The following UBN2 variants were observed in gnomAD, a reference collection of about 807,000 sequenced individuals.
The protein encoded by UBN2 is ubinuclein-2.
UBN2 carries 35 observed loss-of-function variants against 120.2 expected under a neutral mutation model. The observed-to-expected ratio is 0.29, with a 90% CI of 0.22 to 0.39. UBN2 has a LOEUF of 0.39. Ranked by LOEUF, UBN2 falls within the 10% of genes least tolerant of loss-of-function variation. The pLI is 1.00. For missense variants in UBN2, 1,693 were observed against 1,663.2 expected (o/e 1.02, Z -0.31); for synonymous variants, 661 against 648.7 (o/e 1.02, Z -0.29).
chr7:139,264,377 C>A (rs1431295484), intron 6 of UBN2, among the ~76,000 whole-genome samples: 1 of 152,162 alleles, frequency 6.6e-6, no homozygotes, highest in Middle Eastern at 3.4e-3. Flanking sequence ...TTCTGGTCAG[C>A]GATCCTCATG....
At position 139,283,796 on chromosome 7, in the gene UBN2, T is replaced by C. The variant is rs1251359698; in HGVS notation, c.2891T>C (p.Leu964Pro). ...PVVKLSNNPQ[L>P]SCSSSLIKTS... is the part of the protein sequence containing the mutation. ...GTGAAGTTAAGTAATAATCCCCAACTCTCCTGTTCCTCCTCACTTATTAAG... is the reference window on the plus strand; with the variant it reads ...GTGAAGTTAAGTAATAATCCCCAACCCTCCTGTTCCTCCTCACTTATTAAG... Residue 964 changes from leucine (L) to proline (P), a missense_variant, in exon 15 of 18, where the codon CTC (leucine) becomes CCC (proline). Physicochemically the swap from Leu to Pro is moderately conservative, Grantham distance 98. Transcript: ENST00000473989. 2 of 1,613,882 alleles carry C rather than the reference T, an allele frequency of 1.2e-6. No homozygotes were observed. Among genetic ancestry groups the C allele is most frequent in the African/African-American group, 1.3e-5 (1 of 74,976 alleles).
chr7:139,284,478 A>G lies in UBN2; in HGVS notation c.3573A>G (p.Gly1191=), dbSNP rs775134045. The change falls in exon 15 of 18, where the codon GGA becomes GGG. Residue 1191 remains glycine, a synonymous_variant. Transcript: ENST00000473989. ...CTAATAGGACTAGTCTGTCTGGGGG[A>G]ACAGGAAGTGGAACACAGGGTGCTA... is the stretch of plus-strand genomic sequence containing the variant. The part of the protein sequence containing the change: ...SGANRTSLSG[G]TGSGTQGATK... The G allele has an allele frequency of 1.2e-6, 2 of 1,614,172 alleles. No individual in the cohort carries two copies. Among genetic ancestry groups the G allele is most frequent in the Non-Finnish European group, 1.7e-6 (2 of 1,180,034 alleles).
At chr7:139,315,834 TG>T in the UBN2 span, among the ~76,000 whole-genome samples, 1 of 151,950 alleles carries the variant, frequency 6.6e-6, no homozygotes, top group Admixed American at 6.6e-5. Context: ...CTCAGCACTT[TG>T]GGGGGCAGAG....
chr7:139,283,203 A>G lies in UBN2; in HGVS notation c.2298A>G (p.Ser766=). ...LDEDLSFHSP[S]LDLVSEALAV... ...AAGACCTTTCTTTCCATTCACCTTC[A>G]CTGGATCTTGTTTCTGAAGCTTTAG... Residue 766 remains serine (S), a synonymous_variant, in exon 15 of 18, where the codon TCA becomes TCG. Coordinates refer to ENST00000473989, the MANE Select transcript of UBN2 (RefSeq NM_173569.4). 8 of 1,612,342 alleles carry G rather than the reference A, an allele frequency of 5.0e-6. No homozygotes were observed. The highest frequency in any genetic ancestry group is 3.3e-5 in the South Asian group (3 of 90,942).
At chr7:139,318,099 A>G in the UBN2 span, among the ~76,000 whole-genome samples, 2 of 152,102 alleles carry the variant, frequency 1.3e-5, no homozygotes, top group Admixed American at 1.3e-4. Context: ...TGCTTATTTT[A>G]GAGTCCTGAT....
intron 1 of UBN2, among the ~76,000 whole-genome samples, chr7:139,234,686 G>A (rs1217774336): frequency 6.6e-6 from 1 of 152,124 alleles, no homozygotes; most frequent in Admixed American, 6.5e-5. Flanking sequence ...ACAAGAAAAG[G>A]TTTAACTCTT....
intron 14 of UBN2, among the ~76,000 whole-genome samples, 193 bp downstream of exon 14, chr7:139,282,248 C>T (rs1797636265): frequency 6.6e-6 from 1 of 151,990 alleles, no homozygotes; most frequent in Non-Finnish European, 1.5e-5. Flanking sequence ...TTATTTTGCT[C>T]TTTGAATATT....
intron 2 of UBN2, among the ~76,000 whole-genome samples, chr7:139,240,538 T>G (rs980118671): frequency 6.6e-6 from 1 of 151,482 alleles, no homozygotes; most frequent in African/African-American, 2.4e-5. Context: ...ATTGTCCTGC[T>G]GGGCGTTATA....
Position 139,284,456 on chromosome 7 carries a change from A to G in UBN2, c.3551A>G (p.Asn1184Ser). 2 of 1,614,202 alleles carry G rather than the reference A, an allele frequency of 1.2e-6. No homozygotes were observed. The highest frequency in any genetic ancestry group is 8.5e-7 in the Non-Finnish European group (1 of 1,180,042). Residue 1184 changes from asparagine (N) to serine (S), a missense_variant, in exon 15 of 18, where the codon AAT (asparagine) becomes AGT (serine). Around this residue, in one of 5 missense-constraint regions of UBN2, gnomAD observed 837 missense variants for 817.6 expected, o/e 1.02. Coordinates refer to ENST00000473989, the MANE Select transcript of UBN2 (RefSeq NM_173569.4). ...RGSNLNSSGA[N>S]RTSLSGGTGS... is the part of the protein sequence containing the mutation. ...AGCAACCTTAACTCAAGCGGAGCTA[A>G]TAGGACTAGTCTGTCTGGGGGAACA...
the UBN2 span, among the ~76,000 whole-genome samples, chr7:139,319,956 G>A: frequency 1.3e-5 from 2 of 151,476 alleles, no homozygotes; most frequent in Non-Finnish European, 2.9e-5. Flanking sequence ...GGTGCCTGTA[G>A]TCCCAGCTAC....
Position 139,299,777 on chromosome 7 carries a change from C to T in UBN2, c.*1941C>T, listed in dbSNP as rs948673363. 3 of 151,838 alleles carry T rather than the reference C, an allele frequency of 2.0e-5. No individual in the cohort carries two copies. The highest frequency in any genetic ancestry group is 2.0e-4 in the Admixed American group (3 of 15,244). 9.4% of individuals were successfully genotyped at this position (151,838 alleles called of 1,614,324 possible). On this transcript the variant is annotated 3_prime_UTR_variant, in exon 18 of 18. Coordinates refer to ENST00000473989, the MANE Select transcript of UBN2 (RefSeq NM_173569.4). Reference sequence around the variant, plus strand: ...CTTGGTTTCAATTAAGGAAGCTTGCCCAATTTTTTTAATTTTTTCAAATGT... The same window carrying T: ...CTTGGTTTCAATTAAGGAAGCTTGCTCAATTTTTTTAATTTTTTCAAATGT...
Position 139,274,032 on chromosome 7 carries a change from C to G in UBN2, c.1931C>G (p.Thr644Arg). ...GATTATCTTAAGTCTTTTATGGAGA[C>G]AGAAGTGAAGCCCCTGTGGCCTAAG... ...AEDYLKSFME[T>R]EVKPLWPKGW... The change falls in exon 11 of 18, where the codon ACA (threonine) becomes AGA (arginine). Residue 644 changes from threonine (T) to arginine (R), a missense_variant. By Grantham distance (71) the Thr-to-Arg change is moderately conservative (BLOSUM62 -1). Coordinates refer to ENST00000473989, the MANE Select transcript of UBN2 (RefSeq NM_173569.4). The G allele has an allele frequency of 6.2e-7, 1 of 1,613,050 alleles. No homozygotes were observed. The highest frequency in any genetic ancestry group is 8.5e-7 in the Non-Finnish European group (1 of 1,179,686).
In UBN2 at chr7:139,293,232, T is replaced by C; in HGVS notation, c.3670T>C (p.Ser1224Pro). 3 of 1,613,908 alleles carry C rather than the reference T, an allele frequency of 1.9e-6. No individual in the cohort carries two copies. The highest frequency in any genetic ancestry group is 2.5e-6 in the Non-Finnish European group (3 of 1,179,756). ...GSSVVTASVQ[S>P]TAGASLLANA... ...ATTTTGACCCCTGGTTTCTGCACAGTCCACAGCAGGAGCATCATTATTGGC... is the reference window on the plus strand; with the variant it reads ...ATTTTGACCCCTGGTTTCTGCACAGCCCACAGCAGGAGCATCATTATTGGC... Residue 1224 changes from serine to proline, a missense_variant and splice_region_variant, in exon 16 of 18, where the codon TCC (serine) becomes CCC (proline). Physicochemically the swap from Ser to Pro is moderately conservative, Grantham distance 74. Transcript: ENST00000473989.
At position 139,276,144 on chromosome 7, in the gene UBN2, C is replaced by T; in HGVS notation, c.2021C>T (p.Ala674Val). 1.9e-6 allele frequency: 3 copies of T among 1,613,454 alleles called. No homozygotes were observed. The highest frequency in any genetic ancestry group is 2.5e-6 in the Non-Finnish European group (3 of 1,179,776). The change falls in exon 12 of 18, where the codon GCT becomes GTT. Residue 674 changes from alanine to valine, a missense_variant. Physicochemically the swap from Ala to Val is moderately conservative, Grantham distance 64. Transcript: ENST00000473989. ...SRSVHNHLTS[A>V]PAKKKVIPAP... The stretch of plus-strand genomic sequence containing the variant: ...AGTGTTCATAATCATCTTACTTCTG[C>T]TCCGTGAGTAAATGCAGACTCCAGA...
At chr7:139,281,332 A>G (rs1797601588) in intron 13 of UBN2, among the ~76,000 whole-genome samples, 1 of 152,200 alleles carries the variant, frequency 6.6e-6, no homozygotes, top group Admixed American at 6.5e-5. Context: ...TTATAAAGAT[A>G]AGATAAGGAA....
intron 12 of UBN2, among the ~76,000 whole-genome samples, chr7:139,278,597 G>A (rs556009175): frequency 1.5e-4 from 22 of 151,402 alleles, no homozygotes; most frequent in Middle Eastern, 3.4e-3. Flanking sequence ...CCTAGAGGTC[G>A]TTTCCCTAAA....
intron 12 of UBN2, 53 bp from the exon 13 acceptor site, chr7:139,279,265 A>C: frequency 2.2e-6 from 3 of 1,355,240 alleles, no homozygotes. Flanking sequence ...ATAACTTTCT[A>C]ATGAGCAATA....
chr7:139,324,608 T>C, the UBN2 span, among the ~76,000 whole-genome samples: 1 of 150,686 alleles, frequency 6.6e-6, no homozygotes, highest in African/African-American at 2.4e-5. Context: ...AGAGAGAAAT[T>C]TGAAAAATGA....
At chr7:139,261,948 CTTT>C (rs72000087) in intron 6 of UBN2, among the ~76,000 whole-genome samples, 7 of 131,952 alleles carry the variant, frequency 5.3e-5, no homozygotes, top group Non-Finnish European at 8.2e-5. Flanking sequence ...TTCTTTCTTT[CTTT>C]TTTTTTTTTT....
Sources: gnomAD v4.1 joint callset for allele counts (sites outside exome capture counted in the v4.1 genomes callset) on GRCh38, gnomAD v4.1.1 for gene constraint, gnomAD v4.1.1 regional missense constraint, MANE v1.5 for transcripts, NCBI Gene and HGNC (gene_info 2026-07-23, HGNC 2026-07-21) for gene names.